Variants in GAB1 observed in about 807,000 individuals in gnomAD.
The protein encoded by GAB1 is GRB2-associated-binding protein 1.
A neutral mutation model predicts 66.5 loss-of-function variants in GAB1; 19 were observed. The ratio of observed to expected loss-of-function variants is 0.29; its 90% CI spans 0.20 to 0.42. GAB1 has a LOEUF of 0.42. Ranked by LOEUF, GAB1 falls within the 10% of genes least tolerant of loss-of-function variation. GAB1 has a pLI of 1.00. For synonymous variants in GAB1, 294 were observed against 301.4 expected (o/e 0.98, Z 0.25); for missense variants, 732 against 858.5 (o/e 0.85, Z 1.84).
chr4:143,368,565 A>G (rs1729983272), intron 1 of GAB1, among the ~76,000 whole-genome samples: 1 of 152,214 alleles, frequency 6.6e-6, no homozygotes, highest in African/African-American at 2.4e-5. Flanking sequence ...TAATTGTAAT[A>G]TACAAGTAGT....
intron 1 of GAB1, chr4:143,395,121 A>G (rs1159935390): frequency 1.3e-5 from 2 of 152,196 alleles, no homozygotes; most frequent in East Asian, 1.9e-4. Flanking sequence ...ACAGTTCCCT[A>G]TGTCTTTTGA....
In GAB1 at chr4:143,420,505, C is replaced by T. The variant is rs188917537; in HGVS notation, c.367+4734C>T. Among the ~76,000 whole-genome samples the T allele has an allele frequency of 3.9e-5, 6 of 152,136 alleles. No individual in the cohort carries two copies. In the East Asian group the frequency reaches 1.2e-3, roughly 29 times the overall value. ...TGGCAGGCTATATCTGTTTTTAAGT[C>T]CTAGCTCATTAAACTGTGTGTGGTT... On this transcript the variant is annotated intron_variant, in intron 2 of 9. Transcript: ENST00000262994.
chr4:143,427,212 A>G (rs11940828), intron 2 of GAB1, among the ~76,000 whole-genome samples: 19,192 of 152,116 alleles, frequency 0.13, 2,919 homozygotes, highest in African/African-American at 0.37. Context: ...CACTCTAAAG[A>G]AGTGCATCTA....
intron 9 of GAB1, 108 bp from the exon 10 acceptor site, chr4:143,468,923 C>CA (rs548295996): frequency 0.053 from 48,635 of 921,438 alleles, 4 homozygotes; most frequent in South Asian, 0.057. Context: ...AACTCCTTCT[C>CA]AAAAAAAAAA....
At chr4:143,449,943 G>C (rs1734820366) in intron 6 of GAB1, among the ~76,000 whole-genome samples, 3 of 151,840 alleles carry the variant, frequency 2.0e-5, no homozygotes, top group Non-Finnish European at 4.4e-5. Context: ...AAGCCTACTT[G>C]ATCATTAACA....
chr4:143,447,762 A>G (rs931159526), intron 6 of GAB1, among the ~76,000 whole-genome samples: 2 of 152,028 alleles, frequency 1.3e-5, no homozygotes, highest in African/African-American at 2.4e-5. Context: ...CTCTTTTCCT[A>G]ATTGAATACC....
intron 1 of GAB1, among the ~76,000 whole-genome samples, chr4:143,341,996 A>G (rs1477043982): frequency 6.6e-6 from 1 of 152,240 alleles, no homozygotes; most frequent in East Asian, 1.9e-4. Context: ...CTATTGAAGG[A>G]AATTTTTTCT....
intron 9 of GAB1, among the ~76,000 whole-genome samples, chr4:143,467,937 A>G (rs1279758848): frequency 2.6e-5 from 4 of 152,222 alleles, no homozygotes; most frequent in Non-Finnish European, 5.9e-5. Flanking sequence ...GCAGCAGTGC[A>G]TTGATAATTT....
At chr4:143,458,325 T>A (rs1560785304) in intron 6 of GAB1, among the ~76,000 whole-genome samples, 1 of 152,122 alleles carries the variant, frequency 6.6e-6, no homozygotes, top group Non-Finnish European at 1.5e-5. Flanking sequence ...TGGTCTTCAT[T>A]ATATGTGAGT....
chr4:143,394,790 C>A (rs1167587692), intron 1 of GAB1: 1 of 152,054 alleles, frequency 6.6e-6, no homozygotes, highest in Non-Finnish European at 1.5e-5. Flanking sequence ...GTAATTCATT[C>A]TCTCTTTTTC....
At position 143,336,981 on chromosome 4, in the gene GAB1, C is replaced by T. The variant is rs547332138; in HGVS notation, c.-208C>T. On this transcript the variant is annotated 5_prime_UTR_variant, in exon 1 of 10. Coordinates refer to ENST00000262994, the MANE Select transcript of GAB1 (RefSeq NM_002039.4). ...GGCCGGCGCGCCCGCGGCCCCGGCT[C>T]GCGTTCTGTTCAGGTTCGTGGGCCT... 19 of 491,756 alleles carry T rather than the reference C, an allele frequency of 3.9e-5. No homozygotes were observed. The highest frequency in any genetic ancestry group is 6.1e-5 in the Non-Finnish European group (17 of 277,362). The allele number at this position is 491,756 out of a possible 1,614,324, so 30.5% of individuals were successfully genotyped here.
At position 143,470,578 on chromosome 4, in the gene GAB1, C is replaced by T. The variant is rs980383854; in HGVS notation, c.*1389C>T. 16 of 152,198 alleles carry T rather than the reference C, an allele frequency of 1.1e-4. No homozygotes were observed. Among genetic ancestry groups the T allele is most frequent in the African/African-American group, 3.6e-4 (15 of 41,462 alleles). The allele number at this position is 152,198 out of a possible 1,614,324, so 9.4% of individuals were successfully genotyped here. ...GTTGTAGTGAGGCTACAATTATATT[C>T]GTCTGTCTTGGCTTTGCAACATAAT... On this transcript the variant is annotated 3_prime_UTR_variant, in exon 10 of 10. Coordinates refer to ENST00000262994, the MANE Select transcript of GAB1 (RefSeq NM_002039.4).
At chr4:143,388,497 C>A (rs1230343944) in intron 1 of GAB1, among the ~76,000 whole-genome samples, 2 of 152,200 alleles carry the variant, frequency 1.3e-5, no homozygotes, top group African/African-American at 4.8e-5. Context: ...TCACTGCAAC[C>A]TCCACCTCCC....
At chr4:143,378,563 A>G (rs796567819) in intron 1 of GAB1, among the ~76,000 whole-genome samples, 15 of 150,698 alleles carry the variant, frequency 1.0e-4, no homozygotes, top group African/African-American at 3.4e-4. Context: ...AATGCATGTT[A>G]TTTTGACCTA....
Position 143,471,264 on chromosome 4 carries a change from C to T in GAB1, c.*2075C>T, listed in dbSNP as rs994347730. 2 of 152,176 alleles carry T rather than the reference C, an allele frequency of 1.3e-5. No homozygotes were observed. Among genetic ancestry groups the T allele is most frequent in the African/African-American group, 2.4e-5 (1 of 41,450 alleles). The allele number at this position is 152,176 out of a possible 1,614,324, so 9.4% of individuals were successfully genotyped here. A position where few individuals can be genotyped will look rare whatever the true frequency, so the allele number is the denominator to read the frequency against. ...AGTCACCATATTTGAAGATCTGTAG[C>T]ACTCTGATTTTCAGAAAATTTTTCA... On this transcript the variant is annotated 3_prime_UTR_variant, in exon 10 of 10. Coordinates refer to ENST00000262994, the MANE Select transcript of GAB1 (RefSeq NM_002039.4).
chr4:143,427,788 C>A (rs967418079), intron 2 of GAB1, among the ~76,000 whole-genome samples: 2 of 152,092 alleles, frequency 1.3e-5, no homozygotes, highest in African/African-American at 4.8e-5. Flanking sequence ...ATTCAGAATG[C>A]ATTTGAAAGG....
chr4:143,437,886 A>G, intron 3 of GAB1, 113 bp from the exon 4 acceptor site: 1 of 1,070,538 alleles, frequency 9.3e-7, no homozygotes, highest in Middle Eastern at 2.3e-4. Context: ...GATCACACAA[A>G]AAATCTAATG....
intron 2 of GAB1, among the ~76,000 whole-genome samples, chr4:143,427,771 C>T (rs1733443140): frequency 6.6e-6 from 1 of 151,958 alleles, no homozygotes. Flanking sequence ...TCAAAGGAGT[C>T]CTACGGATTC....
At chr4:143,466,869 T>A (rs1221531116) in intron 9 of GAB1, among the ~76,000 whole-genome samples, 1 of 152,170 alleles carries the variant, frequency 6.6e-6, no homozygotes, top group Non-Finnish European at 1.5e-5. Flanking sequence ...GCTATCTTTG[T>A]CCAAAATTTT....
Sources: gnomAD v4.1 joint callset for allele counts (sites outside exome capture counted in the v4.1 genomes callset) on GRCh38, gnomAD v4.1.1 for gene constraint, MANE v1.5 for transcripts, NCBI Gene and HGNC (gene_info 2026-07-23, HGNC 2026-07-21) for gene names.